The following PTPRB variants were observed in gnomAD, a reference collection of about 807,000 sequenced individuals.
The protein encoded by PTPRB is receptor-type tyrosine-protein phosphatase beta.
PTPRB carries 97 observed loss-of-function variants against 238.1 expected under a neutral mutation model. The observed-to-expected ratio is 0.41, with a 90% CI of 0.35 to 0.48. The LOEUF is 0.48. Among genes scored for constraint, PTPRB ranks in the 20% least tolerant of loss-of-function variants. The pLI is 0.30. For missense variants in PTPRB, 2,292 were observed against 2,681.9 expected, an observed-to-expected ratio of 0.85 and a Z score of 3.21; for synonymous variants, 970 against 995.4, an observed-to-expected ratio of 0.97 and a Z score of 0.48.
At chr12:70,538,112 C>T (rs1324652749) in intron 28 of PTPRB, 43 bp downstream of exon 28, 7 of 1,534,368 alleles carry the variant, frequency 4.6e-6, no homozygotes, top group Non-Finnish European at 6.2e-6. Context: ...TAGCCACCCA[C>T]CAAAGCCTCA....
At chr12:70,530,975 T>C (rs1416789441) in intron 32 of PTPRB, among the ~76,000 whole-genome samples, 1 of 152,206 alleles carries the variant, frequency 6.6e-6, no homozygotes, top group Admixed American at 6.5e-5. Context: ...CCCAGGACAA[T>C]AGTGGTGGCA....
In PTPRB at chr12:70,534,645, G is replaced by T; in HGVS notation, c.6211C>A (p.Gln2071Lys). Reference sequence around the variant, plus strand: ...CGGATGAGTCTGTGTGCATCAAGCTGTTCCTCCTGTAAGAGCAGAGAGCAG... The same window carrying T: ...CGGATGAGTCTGTGTGCATCAAGCTTTTCCTCCTGTAAGAGCAGAGAGCAG... ...IREFKICGEE[Q>K]LDAHRLIRHF... Residue 2071 changes from glutamine (Q) to lysine (K), a missense_variant, in exon 31 of 34, where the codon CAG becomes AAG. This residue lies in a region of PTPRB where 397 missense variants were observed against 502.0 expected (regional missense o/e 0.79). Coordinates refer to ENST00000334414, the MANE Select transcript of PTPRB (RefSeq NM_001109754.4). The T allele has an allele frequency of 6.2e-7, 1 of 1,612,074 alleles. No individual in the cohort carries two copies. The highest frequency in any genetic ancestry group is 8.5e-7 in the Non-Finnish European group (1 of 1,179,114).
chr12:70,626,912 A>C (rs1318074517), intron 2 of PTPRB, among the ~76,000 whole-genome samples: 4 of 152,160 alleles, frequency 2.6e-5, no homozygotes, highest in African/African-American at 9.7e-5. Flanking sequence ...TAAAGAGTGC[A>C]CCTAAAATAC....
chr12:70,573,315 T>C (rs1880300827), intron 11 of PTPRB, among the ~76,000 whole-genome samples: 1 of 152,164 alleles, frequency 6.6e-6, no homozygotes, highest in Non-Finnish European at 1.5e-5. Flanking sequence ...AGTCAAGATG[T>C]TGGCTACCTT....
chr12:70,538,652 A>G (rs755650985), intron 27 of PTPRB: 3 of 513,664 alleles, frequency 5.8e-6, no homozygotes, highest in Non-Finnish European at 1.0e-5. Flanking sequence ...TGTTAACCCC[A>G]TTTACTGCTT....
At chr12:70,524,222 C>G (rs560209443) in intron 33 of PTPRB, among the ~76,000 whole-genome samples, 1 of 152,150 alleles carries the variant, frequency 6.6e-6, no homozygotes, top group African/African-American at 2.4e-5. Flanking sequence ...GATCCTCCCC[C>G]TCAGCCTCCC....
Position 70,571,875 on chromosome 12 carries a change from T to A in PTPRB, c.3055A>T (p.Thr1019Ser). 6.2e-7 allele frequency: 1 copy of A among 1,613,932 alleles called. No individual in the cohort carries two copies. The highest frequency in any genetic ancestry group is 8.5e-7 in the Non-Finnish European group (1 of 1,179,810). Residue 1019 changes from threonine to serine, a missense_variant, in exon 12 of 34, where the codon ACT becomes TCT. Around this residue, in one of 4 missense-constraint regions of PTPRB, gnomAD observed 1,205 missense variants for 1,287.8 expected, o/e 0.94. Transcript: ENST00000334414. ...VPGRLYSVTV[T>S]TKSGQYEANE... is the part of the protein sequence containing the mutation. ...GCTTCATATTGTCCACTTTTTGTAG[T>A]AACAGTGACACTGTACAACCGTCCA...
chr12:70,576,684 A>AGGGGGGGGGG (rs1313001377), intron 10 of PTPRB, 39 bp from the exon 11 acceptor site: 55 of 29,864 alleles, frequency 1.8e-3, no homozygotes, highest in Middle Eastern at 0.015. Flanking sequence ...GGGGGGGGGA[A>AGGGGGGGGGG]GGGGGATTCA....
At chr12:70,579,091 A>G (rs1047267678) in intron 10 of PTPRB, among the ~76,000 whole-genome samples, 3 of 152,212 alleles carry the variant, frequency 2.0e-5, no homozygotes, top group Non-Finnish European at 2.9e-5. Context: ...GTGTCTAAGC[A>G]TGAATTAAAT....
In PTPRB at chr12:70,520,820, G is replaced by A. The variant is rs1433033190; in HGVS notation, c.*669C>T. The A allele has an allele frequency of 6.6e-6, 1 of 152,442 alleles. No homozygotes were observed. Among genetic ancestry groups the A allele is most frequent in the African/African-American group, 2.4e-5 (1 of 41,440 alleles). The allele number at this position is 152,442 out of a possible 1,614,324, so 9.4% of individuals were successfully genotyped here. A position where few individuals can be genotyped will look rare whatever the true frequency, so the allele number is the denominator to read the frequency against. On this transcript the variant is annotated 3_prime_UTR_variant, in exon 34 of 34. Coordinates refer to ENST00000334414, the MANE Select transcript of PTPRB (RefSeq NM_001109754.4). ...CCCTGCATCCTACCATCCTGGGCTT[G>A]CACTGCAAGTTACATGATCCCTGAG...
chr12:70,604,985 T>C (rs929765794), intron 4 of PTPRB, among the ~76,000 whole-genome samples: 2 of 152,178 alleles, frequency 1.3e-5, no homozygotes, highest in Non-Finnish European at 2.9e-5. Context: ...ACACTCCTAG[T>C]AAACCAATAC....
In PTPRB at chr12:70,610,201, G is replaced by A. The variant is rs938305744; in HGVS notation, c.709-862C>T. 3.3e-5 allele frequency among the ~76,000 whole-genome samples: 5 copies of A among 152,196 alleles called. No individual in the cohort carries two copies. The South Asian group carries it at 8.3e-4, about 25-fold the overall frequency. ...GGAGCCAACGCCTGAGCCTGCCAAG[G>A]GGCCCGATGTGGGCCAAGCTGCCCC... On this transcript the variant is annotated intron_variant, in intron 3 of 33. Coordinates refer to ENST00000334414, the MANE Select transcript of PTPRB (RefSeq NM_001109754.4).
At chr12:70,597,672 C>T (rs775047323) in intron 4 of PTPRB, among the ~76,000 whole-genome samples, 17 of 152,174 alleles carry the variant, frequency 1.1e-4, no homozygotes, top group Non-Finnish European at 2.2e-4. Flanking sequence ...AGAAACTTCA[C>T]TACTTCCTGG....
intron 2 of PTPRB, among the ~76,000 whole-genome samples, chr12:70,626,296 C>CATCTATCT (rs35084668): frequency 0.032 from 2,938 of 91,754 alleles, 109 homozygotes; most frequent in East Asian, 0.053. Context: ...TCTATCCATC[C>CATCTATCT]ATCTATCTAT....
chr12:70,531,980 G>A, intron 32 of PTPRB, 55 bp downstream of exon 32: 1 of 1,600,698 alleles, frequency 6.2e-7, no homozygotes, highest in Non-Finnish European at 8.5e-7. Flanking sequence ...ATATTTTTTT[G>A]TGGGAATACA....
At chr12:70,633,884 T>C (rs532991094) in intron 2 of PTPRB, among the ~76,000 whole-genome samples, 3 of 152,146 alleles carry the variant, frequency 2.0e-5, no homozygotes, top group African/African-American at 7.2e-5. Flanking sequence ...TAAGGTTTGA[T>C]TGGGGTTTGG....
intron 3 of PTPRB, among the ~76,000 whole-genome samples, chr12:70,611,789 C>T (rs60714184): frequency 6.6e-6 from 1 of 152,260 alleles, no homozygotes; most frequent in East Asian, 1.9e-4. Context: ...AACAAAAAAA[C>T]TCCCTATTTC....
intron 2 of PTPRB, among the ~76,000 whole-genome samples, chr12:70,630,823 T>C (rs1402036614): frequency 6.6e-6 from 1 of 152,144 alleles, no homozygotes; most frequent in African/African-American, 2.4e-5. Context: ...GAACTCCCAT[T>C]CACAATTGCT....
chr12:70,529,980 A>C (rs368180453), intron 32 of PTPRB, among the ~76,000 whole-genome samples: 2 of 151,252 alleles, frequency 1.3e-5, no homozygotes, highest in East Asian at 1.9e-4. Flanking sequence ...GAGTAGAGGA[A>C]TATATTACCA....
Sources: gnomAD v4.1 joint callset for allele counts (sites outside exome capture counted in the v4.1 genomes callset) on GRCh38, gnomAD v4.1.1 for gene constraint, gnomAD v4.1.1 regional missense constraint, MANE v1.5 for transcripts, NCBI Gene and HGNC (gene_info 2026-07-23, HGNC 2026-07-21) for gene names.